SLC9A9: variants seen among roughly 807,000 people sequenced by gnomAD.
SLC9A9 encodes the protein sodium/hydrogen exchanger 9.
Under a neutral mutation model 77.8 loss-of-function variants are expected in SLC9A9, and 62 were observed. The ratio of observed to expected loss-of-function variants is 0.80; its 90% CI spans 0.65 to 0.98. SLC9A9 has a LOEUF of 0.98. Ranked by LOEUF, SLC9A9 falls within the 50% of genes least tolerant of loss-of-function variation. The pLI, the probability that SLC9A9 is intolerant of heterozygous loss-of-function variation, is 0.00. For missense variants in SLC9A9, 775 were observed against 774.9 expected (o/e 1.00, Z 0.00); for synonymous variants, 320 against 283.5 (o/e 1.13, Z -1.29).
intron 2 of SLC9A9, among the ~76,000 whole-genome samples, chr3:143,798,837 C>T (rs891107273): frequency 2.0e-5 from 3 of 152,158 alleles, no homozygotes; most frequent in African/African-American, 7.2e-5. Flanking sequence ...TCCCTCCCGC[C>T]TGTCCCCTCA....
chr3:143,546,820 T>C (rs952193604), intron 9 of SLC9A9, among the ~76,000 whole-genome samples: 1 of 152,192 alleles, frequency 6.6e-6, no homozygotes, highest in Non-Finnish European at 1.5e-5. Context: ...TAAAAAGATA[T>C]TTTCTTTGGT....
chr3:143,330,999 A>C (rs1045965327), intron 14 of SLC9A9, among the ~76,000 whole-genome samples: 2 of 152,248 alleles, frequency 1.3e-5, no homozygotes, highest in Non-Finnish European at 2.9e-5. Flanking sequence ...TGTGAATCTC[A>C]GCATTATCAT....
At chr3:143,693,129 G>A in intron 5 of SLC9A9, 63 bp downstream of exon 5, 1 of 1,276,400 alleles carries the variant, frequency 7.8e-7, no homozygotes, top group Non-Finnish European at 1.1e-6. Flanking sequence ...TGGTCTTGGG[G>A]AGAAACATTC....
At chr3:143,711,421 T>G (rs918591033) in intron 4 of SLC9A9, among the ~76,000 whole-genome samples, 10 of 151,944 alleles carry the variant, frequency 6.6e-5, no homozygotes, top group Non-Finnish European at 1.3e-4. Flanking sequence ...AAAAAGAATT[T>G]TTTTCTTAGA....
intron 9 of SLC9A9, among the ~76,000 whole-genome samples, chr3:143,523,691 G>A (rs551903166): frequency 6.6e-6 from 1 of 152,196 alleles, no homozygotes; most frequent in African/African-American, 2.4e-5. Context: ...TGAAAGGATC[G>A]ATGAAGGGTA....
chr3:143,799,483 C>T (rs1295627621), intron 2 of SLC9A9, among the ~76,000 whole-genome samples: 1 of 152,230 alleles, frequency 6.6e-6, no homozygotes, highest in African/African-American at 2.4e-5. Flanking sequence ...ACATTTCCAG[C>T]ACACAAGAAC....
At chr3:143,326,397 C>T (rs1019714286) in intron 14 of SLC9A9, among the ~76,000 whole-genome samples, 2 of 152,158 alleles carry the variant, frequency 1.3e-5, no homozygotes, top group Admixed American at 1.3e-4. Flanking sequence ...CTTTGCCTGC[C>T]GGCCCTGCGT....
At chr3:143,515,303 A>G (rs2036186970) in intron 9 of SLC9A9, among the ~76,000 whole-genome samples, 1 of 152,208 alleles carries the variant, frequency 6.6e-6, no homozygotes, top group Admixed American at 6.5e-5. Flanking sequence ...AAAGCTTATG[A>G]TAGTGTGAGA....
intron 4 of SLC9A9, among the ~76,000 whole-genome samples, chr3:143,742,956 C>T (rs543379083): frequency 2.0e-4 from 30 of 151,962 alleles, no homozygotes; most frequent in Non-Finnish European, 4.1e-4. Flanking sequence ...TTACACCTCT[C>T]CAAGGAAGCC....
At chr3:143,284,014 C>T (rs1318089030) in intron 14 of SLC9A9, among the ~76,000 whole-genome samples, 1 of 151,226 alleles carries the variant, frequency 6.6e-6, no homozygotes, top group African/African-American at 2.4e-5. Context: ...GTTGTGTGTC[C>T]ACTTTAATAA....
chr3:143,679,428 G>T (rs949700126), intron 5 of SLC9A9, among the ~76,000 whole-genome samples: 5 of 152,168 alleles, frequency 3.3e-5, no homozygotes, highest in Non-Finnish European at 7.4e-5. Flanking sequence ...TGAGAAGTTG[G>T]CTAGGCAGGG....
At chr3:143,497,586 GA>G (rs954902051) in intron 9 of SLC9A9, among the ~76,000 whole-genome samples, 5 of 152,274 alleles carry the variant, frequency 3.3e-5, no homozygotes, top group Non-Finnish European at 2.9e-5. Flanking sequence ...GCCATTTTGG[GA>G]TAACAGAGGA....
chr3:143,287,405 A>AG (rs1938413622), intron 14 of SLC9A9, among the ~76,000 whole-genome samples: 1 of 152,130 alleles, frequency 6.6e-6, no homozygotes, highest in East Asian at 1.9e-4. Context: ...GGAAAAAAAA[A>AG]CAACAACCAA....
intron 14 of SLC9A9, among the ~76,000 whole-genome samples, chr3:143,292,025 G>C (rs1480270554): frequency 1.3e-5 from 2 of 152,184 alleles, no homozygotes; most frequent in African/African-American, 4.8e-5. Context: ...AAAAAGAAGA[G>C]CCATTCTCTG....
chr3:143,575,720 G>C (rs1477688916), intron 7 of SLC9A9, among the ~76,000 whole-genome samples: 9 of 152,156 alleles, frequency 5.9e-5, no homozygotes, highest in Admixed American at 5.9e-4. Context: ...GGGCAGGTGA[G>C]TAACAAAACA....
chr3:143,685,502 T>G (rs2108776598), intron 5 of SLC9A9, among the ~76,000 whole-genome samples: 1 of 152,284 alleles, frequency 6.6e-6, no homozygotes, highest in African/African-American at 2.4e-5. Flanking sequence ...GGATTAATAC[T>G]TCTGGAGCTC....
intron 6 of SLC9A9, among the ~76,000 whole-genome samples, chr3:143,647,707 T>C (rs1197632445): frequency 2.0e-5 from 3 of 152,256 alleles, no homozygotes; most frequent in Admixed American, 6.5e-5. Flanking sequence ...TTTCCTAGTA[T>C]GCCAGATGCA....
Position 143,563,407 on chromosome 3 carries a change from T to C in SLC9A9, c.1000+10681A>G, listed in dbSNP as rs912461617. On this transcript the variant is annotated intron_variant, in intron 8 of 15. Coordinates refer to ENST00000316549, the MANE Select transcript of SLC9A9 (RefSeq NM_173653.4). ...GTTGATATGATCAAACTTCAATATG[T>C]GGTTGTAAATTATGTAAGAAAAAAC... Among the ~76,000 whole-genome samples, 24 of 152,286 alleles carry C rather than the reference T, an allele frequency of 1.6e-4. No individual in the cohort carries two copies. In the East Asian group the frequency reaches 3.5e-3, roughly 22 times the overall value.
intron 15 of SLC9A9, 66 bp from the exon 16 acceptor site, chr3:143,266,995 A>ATTT (rs148013960): frequency 5.1e-4 from 633 of 1,233,158 alleles, no homozygotes; most frequent in African/African-American, 4.0e-3. Flanking sequence ...CAGTCCTACA[A>ATTT]TTTTTTTTTT....
Sources: allele counts gnomAD v4.1 joint callset (sites outside exome capture counted in the v4.1 genomes callset), GRCh38; gene constraint gnomAD v4.1.1; transcripts MANE v1.5; gene names NCBI Gene and HGNC (gene_info 2026-07-23, HGNC 2026-07-21).